SNTB2: variants seen among roughly 807,000 people sequenced by gnomAD.
SNTB2 encodes syntrophin beta 2.
In SNTB2, 34 loss-of-function variants were observed where a neutral mutation model predicts 46.2. The observed-to-expected ratio is 0.74, with a 90% CI of 0.56 to 0.98. SNTB2 has a LOEUF of 0.98. Ranked by LOEUF, SNTB2 falls within the 50% of genes least tolerant of loss-of-function variation. The pLI is 0.00. For synonymous variants in SNTB2, 290 were observed against 312.6 expected (o/e 0.93, Z 0.76); for missense variants, 603 against 731.4 (o/e 0.82, Z 2.02).
At chr16:69,189,027 A>G (rs1372333170) in intron 1 of SNTB2, among the ~76,000 whole-genome samples, 1 of 152,210 alleles carries the variant, frequency 6.6e-6, no homozygotes, top group Non-Finnish European at 1.5e-5. Flanking sequence ...CTGGTGAAGA[A>G]GGACCAATCG....
intron 1 of SNTB2, among the ~76,000 whole-genome samples, chr16:69,207,695 G>A (rs79958724): frequency 0.05 from 7,622 of 152,192 alleles, 261 homozygotes; most frequent in Non-Finnish European, 0.071. Flanking sequence ...CCCAGATCAG[G>A]AAACATTATC....
At chr16:69,296,614 C>T (rs184798171) in intron 5 of SNTB2, among the ~76,000 whole-genome samples, 77 of 147,940 alleles carry the variant, frequency 5.2e-4, no homozygotes, top group African/African-American at 1.7e-3. Flanking sequence ...CCCAGCTACT[C>T]GGGAGGCTGA....
intron 5 of SNTB2, among the ~76,000 whole-genome samples, chr16:69,297,936 T>A (rs1392169921): frequency 6.6e-6 from 1 of 151,788 alleles, no homozygotes; most frequent in Non-Finnish European, 1.5e-5. Flanking sequence ...AAAAAGAATC[T>A]CTAAATCTCT....
intron 4 of SNTB2, among the ~76,000 whole-genome samples, chr16:69,279,794 C>T (rs1350427967): frequency 2.6e-5 from 4 of 151,612 alleles, no homozygotes; most frequent in African/African-American, 9.7e-5. Flanking sequence ...TCCCAAAGTG[C>T]TGGGATTACA....
intron 1 of SNTB2, among the ~76,000 whole-genome samples, chr16:69,206,265 G>A (rs1964217679): frequency 1.3e-5 from 2 of 152,156 alleles, no homozygotes. Context: ...CTCCCAAGGA[G>A]CTGGAATTAC....
intron 1 of SNTB2, among the ~76,000 whole-genome samples, chr16:69,243,504 T>G (rs1964638308): frequency 6.6e-6 from 1 of 152,242 alleles, no homozygotes; most frequent in Non-Finnish European, 1.5e-5. Flanking sequence ...ACTGTGTGAT[T>G]GAATGAACTG....
chr16:69,262,608 C>T (rs970607235), intron 3 of SNTB2, among the ~76,000 whole-genome samples: 6 of 151,952 alleles, frequency 3.9e-5, no homozygotes, highest in Non-Finnish European at 1.5e-5. Context: ...TTAACATATC[C>T]ATCACCTCAA....
At chr16:69,249,702 C>G (rs113043182) in intron 2 of SNTB2, among the ~76,000 whole-genome samples, 3 of 152,160 alleles carry the variant, frequency 2.0e-5, no homozygotes, top group Non-Finnish European at 4.4e-5. Flanking sequence ...TCAGTCTACT[C>G]GACCATGGCA....
rs190559558 is a variant in SNTB2, at chr16:69,247,298, A to G, written c.794+1483A>G. On this transcript the variant is annotated intron_variant, in intron 2 of 6. Coordinates refer to ENST00000336278, the MANE Select transcript of SNTB2 (RefSeq NM_006750.4). ...TGATGTCCCTCCTAGTTCTATAATCATATGTGTTCTATAACTTTGTCTTCA... is the reference window on the plus strand; with the variant it reads ...TGATGTCCCTCCTAGTTCTATAATCGTATGTGTTCTATAACTTTGTCTTCA... Among the ~76,000 whole-genome samples the G allele has an allele frequency of 9.2e-5, 14 of 152,210 alleles. No homozygotes were observed. In the East Asian group the frequency reaches 2.1e-3, roughly 23 times the overall value.
chr16:69,235,647 G>GAAAAC (rs761052714), intron 1 of SNTB2: 13 of 1,205,298 alleles, frequency 1.1e-5, no homozygotes, highest in Non-Finnish European at 1.3e-5. Context: ...CAGAAAGAAA[G>GAAAAC]AAAACAAAAC....
intron 3 of SNTB2, among the ~76,000 whole-genome samples, chr16:69,266,318 G>A (rs1397896042): frequency 6.6e-6 from 1 of 152,120 alleles, no homozygotes; most frequent in Non-Finnish European, 1.5e-5. Context: ...GATCCGAGAT[G>A]GGGCCATTGT....
chr16:69,294,979 T>C (rs1453569615), intron 5 of SNTB2, among the ~76,000 whole-genome samples: 1 of 151,606 alleles, frequency 6.6e-6, no homozygotes, highest in Non-Finnish European at 1.5e-5. Context: ...CTGCCATGCC[T>C]GGCTAATTTC....
chr16:69,199,080 G>A (rs1964135150), intron 1 of SNTB2, among the ~76,000 whole-genome samples: 1 of 151,950 alleles, frequency 6.6e-6, no homozygotes, highest in African/African-American at 2.4e-5. Context: ...ATTTTTAGTA[G>A]AGATGGGTTT....
chr16:69,270,587 A>G (rs1405976466), intron 4 of SNTB2, among the ~76,000 whole-genome samples: 1 of 151,374 alleles, frequency 6.6e-6, no homozygotes, highest in Non-Finnish European at 1.5e-5. Flanking sequence ...TTTTTTCTTT[A>G]TTTTATTGAC....
chr16:69,247,834 C>G (rs1051672588), intron 2 of SNTB2, among the ~76,000 whole-genome samples: 3 of 152,212 alleles, frequency 2.0e-5, no homozygotes, highest in African/African-American at 7.2e-5. Context: ...AGTCTTAACT[C>G]TGCTGGGCAC....
intron 4 of SNTB2, among the ~76,000 whole-genome samples, chr16:69,275,978 G>A (rs1241408152): frequency 6.6e-6 from 1 of 152,152 alleles, no homozygotes; most frequent in Non-Finnish European, 1.5e-5. Context: ...CCAAAGCTCT[G>A]TACGTGTGTG....
chr16:69,187,882 C>T (rs1964009929), intron 1 of SNTB2, 136 bp downstream of exon 1: 2 of 729,852 alleles, frequency 2.7e-6, no homozygotes, highest in East Asian at 6.9e-5. Context: ...CTGGAGCTTT[C>T]AGTGTGGAAA....
intron 1 of SNTB2, among the ~76,000 whole-genome samples, chr16:69,205,612 G>T (rs1187218986): frequency 6.6e-6 from 1 of 152,038 alleles, no homozygotes; most frequent in Non-Finnish European, 1.5e-5. Flanking sequence ...CTGGATTTGT[G>T]TTCTGGCATC....
intron 1 of SNTB2, chr16:69,240,862 A>ATTTG (rs71148974): frequency 8.5e-6 from 1 of 118,014 alleles, no homozygotes; most frequent in Non-Finnish European, 2.0e-5. Context: ...CGTTTTGTTT[A>ATTTG]TTTGTTTGTT....
Sources: gnomAD v4.1 joint callset for allele counts (sites outside exome capture counted in the v4.1 genomes callset) on GRCh38, gnomAD v4.1.1 for gene constraint, MANE v1.5 for transcripts, NCBI Gene and HGNC (gene_info 2026-07-23, HGNC 2026-07-21) for gene names.